IRF2: variants seen among roughly 807,000 people sequenced by gnomAD.
IRF2 encodes the protein interferon regulatory factor 2.
IRF2 carries 15 observed loss-of-function variants against 40.6 expected under a neutral mutation model. That is an observed-to-expected ratio of 0.37 (90% CI 0.25 to 0.57). The LOEUF is 0.57. Ranked by LOEUF, IRF2 falls within the 20% of genes least tolerant of loss-of-function variation. IRF2 has a pLI of 0.77. For synonymous variants in IRF2, 151 were observed against 165.5 expected, an observed-to-expected ratio of 0.91 and a Z score of 0.67; for missense variants, 317 against 455.7, an observed-to-expected ratio of 0.70 and a Z score of 2.77.
chr4:184,400,801 G>T (rs1310910967), intron 6 of IRF2, among the ~76,000 whole-genome samples: 1 of 152,100 alleles, frequency 6.6e-6, no homozygotes, highest in Non-Finnish European at 1.5e-5. Flanking sequence ...TAATTTGAAG[G>T]TCCCTAAGGT....
In IRF2 at chr4:184,390,619, G is replaced by A. The variant is rs537200067; in HGVS notation, c.741+84C>T. On this transcript the variant is annotated intron_variant, in intron 8 of 8. Coordinates refer to ENST00000393593, the MANE Select transcript of IRF2 (RefSeq NM_002199.4). ...GAAGCTTGTGATCTAAAGGAAAGGT[G>A]CATAACCAGCAGCAAGGAAAGCCCG... 120 of 1,277,430 alleles carry A rather than the reference G, an allele frequency of 9.4e-5. No homozygotes were observed. The African/African-American group carries it at 1.5e-3, about 16-fold the overall frequency. The allele number at this position is 1,277,430 out of a possible 1,614,324, so 79.1% of individuals were successfully genotyped here.
At chr4:184,435,976 TC>T (rs1258500537) in intron 1 of IRF2, among the ~76,000 whole-genome samples, 2 of 133,278 alleles carry the variant, frequency 1.5e-5, no homozygotes, top group Admixed American at 1.6e-4. Context: ...TTTTTCTTTT[TC>T]TTTTTTCTTT....
At chr4:184,459,776 G>C (rs1483745888) in intron 1 of IRF2, among the ~76,000 whole-genome samples, 1 of 152,184 alleles carries the variant, frequency 6.6e-6, no homozygotes, top group Non-Finnish European at 1.5e-5. Flanking sequence ...TTAATTACCA[G>C]GGAAATGCAA....
Position 184,413,312 on chromosome 4 carries a change from C to T in IRF2, c.411+4855G>A, listed in dbSNP as rs1737142920. Among the ~76,000 whole-genome samples the T allele has an allele frequency of 6.6e-6, 1 of 152,188 alleles. No homozygotes were observed. The highest frequency in any genetic ancestry group is 6.5e-5 in the Admixed American group (1 of 15,280). ...CGTAAAACTGTCCCTCAAGCTCTTCCAACTGGGTTCGGAGCTCCCGTTCTG... is the reference window on the plus strand; with the variant it reads ...CGTAAAACTGTCCCTCAAGCTCTTCTAACTGGGTTCGGAGCTCCCGTTCTG... On this transcript the variant is annotated intron_variant, in intron 5 of 8. Coordinates refer to ENST00000393593, the MANE Select transcript of IRF2 (RefSeq NM_002199.4). This position sits in a 1 kb window ranked among gnomAD's most constrained non-coding sequence, Gnocchi z 4.2.
At position 184,388,851 on chromosome 4, in the gene IRF2, T is replaced by G; in HGVS notation, c.957A>C (p.Pro319=). The G allele has an allele frequency of 1.9e-6, 3 of 1,614,030 alleles. No individual in the cohort carries two copies. Among genetic ancestry groups the G allele is most frequent in the South Asian group, 1.1e-5 (1 of 91,072 alleles). ...QDLPLSSSMT[P]ASSSSRPDRE... is the part of the protein sequence containing the mutation. ...GGTCTGGCCGACTGCTGCTGGATGC[T>G]GGGGTCATGGAGGAAGAAAGGGGGA... The change falls in exon 9 of 9, where the codon CCA becomes CCC. Residue 319 remains proline, a synonymous_variant. Coordinates refer to ENST00000393593, the MANE Select transcript of IRF2 (RefSeq NM_002199.4). The surrounding 1 kb of genome is among the most constrained non-coding windows in gnomAD (Gnocchi z 4.6).
At chr4:184,423,230 C>T (rs1321184328) in intron 2 of IRF2, among the ~76,000 whole-genome samples, 1 of 152,160 alleles carries the variant, frequency 6.6e-6, no homozygotes, top group Non-Finnish European at 1.5e-5. Flanking sequence ...CAGTCCTGCA[C>T]ACGTGGTGGT....
intron 1 of IRF2, among the ~76,000 whole-genome samples, chr4:184,440,244 A>G (rs1323976892): frequency 6.6e-6 from 1 of 151,994 alleles, no homozygotes; most frequent in Non-Finnish European, 1.5e-5. Context: ...GCCTCCTTCC[A>G]TGCTCCCGCG....
chr4:184,429,862 T>C (rs923103022), intron 1 of IRF2, among the ~76,000 whole-genome samples: 39 of 152,302 alleles, frequency 2.6e-4, no homozygotes, highest in African/African-American at 8.7e-4. Context: ...CTTTCTAAGA[T>C]AGACTTCTCC....
At chr4:184,442,886 G>T (rs1187881231) in intron 1 of IRF2, among the ~76,000 whole-genome samples, 2 of 149,630 alleles carry the variant, frequency 1.3e-5, no homozygotes, top group African/African-American at 4.9e-5. Context: ...AACTTTGTGG[G>T]GGTGGGGGTG....
At chr4:184,456,204 ACT>A (rs1252979588) in intron 1 of IRF2, among the ~76,000 whole-genome samples, 1 of 151,906 alleles carries the variant, frequency 6.6e-6, no homozygotes, top group Non-Finnish European at 1.5e-5. Flanking sequence ...CAAAAATGTG[ACT>A]CTGCACTTCA....
chr4:184,410,744 C>T (rs1228752829), intron 5 of IRF2, among the ~76,000 whole-genome samples: 1 of 152,180 alleles, frequency 6.6e-6, no homozygotes, highest in Non-Finnish European at 1.5e-5. Context: ...GGCAGTCAGG[C>T]TTGCATATAT....
chr4:184,440,170 C>A (rs1420793863), intron 1 of IRF2, among the ~76,000 whole-genome samples: 1 of 152,180 alleles, frequency 6.6e-6, no homozygotes, highest in Non-Finnish European at 1.5e-5. Flanking sequence ...GCCCTCCCAC[C>A]CATTGCCATG....
intron 1 of IRF2, among the ~76,000 whole-genome samples, chr4:184,443,029 G>C (rs563473429): frequency 2.0e-5 from 3 of 152,066 alleles, no homozygotes; most frequent in Non-Finnish European, 4.4e-5. Flanking sequence ...AGGTTCAAGC[G>C]ATTCTCCTGC....
intron 5 of IRF2, among the ~76,000 whole-genome samples, 197 bp downstream of exon 5, chr4:184,417,970 G>A (rs1054754467): frequency 3.9e-5 from 6 of 152,180 alleles, no homozygotes; most frequent in African/African-American, 7.2e-5. Context: ...CCAGAGAAAC[G>A]GGATGAGGCA....
rs374328136 is a variant in IRF2 at position 184,389,141 on chromosome 4, C to T, written c.742-75G>A. Reference sequence around the variant, plus strand: ...GGCTTTTTAAAAATGCATCACTGGCCAGGTGTGGTGGCTCATGCCTGTAAT... The same window carrying T: ...GGCTTTTTAAAAATGCATCACTGGCTAGGTGTGGTGGCTCATGCCTGTAAT... On this transcript the variant is annotated intron_variant, in intron 8 of 8. Transcript: ENST00000393593. 1.2e-3 allele frequency: 1,687 copies of T among 1,433,408 alleles called. 23 individuals are homozygous for T. The South Asian group carries it at 0.018, about 16-fold the overall frequency. The allele number at this position is 1,433,408 out of a possible 1,614,324, so 88.8% of individuals were successfully genotyped here. A position where few individuals can be genotyped will look rare whatever the true frequency, so the allele number is the denominator to read the frequency against.
chr4:184,473,251 G>A (rs901784869), intron 1 of IRF2, among the ~76,000 whole-genome samples: 3 of 150,688 alleles, frequency 2.0e-5, no homozygotes, highest in African/African-American at 7.3e-5. Context: ...TCCCCACCCC[G>A]CCGCGGCCCG....
chr4:184,453,518 G>A (rs1738804389), intron 1 of IRF2, among the ~76,000 whole-genome samples: 1 of 151,774 alleles, frequency 6.6e-6, no homozygotes, highest in Non-Finnish European at 1.5e-5. Context: ...TGCAGTACAG[G>A]AGAAGTAACA....
chr4:184,453,377 A>C (rs1738799084), intron 1 of IRF2, among the ~76,000 whole-genome samples: 1 of 152,234 alleles, frequency 6.6e-6, no homozygotes, highest in Non-Finnish European at 1.5e-5. Context: ...CAAAGCAAGA[A>C]TCATGCACAG....
intron 6 of IRF2, among the ~76,000 whole-genome samples, chr4:184,402,420 C>T (rs888567646): frequency 1.6e-4 from 24 of 152,290 alleles, no homozygotes; most frequent in African/African-American, 5.3e-4. Context: ...GCCGAAACTA[C>T]GATGGGCCGC....
Sources: allele counts gnomAD v4.1 joint callset (sites outside exome capture counted in the v4.1 genomes callset), GRCh38; gene constraint gnomAD v4.1.1; non-coding constraint Gnocchi (gnomAD v3.1); transcripts MANE v1.5; gene names NCBI Gene and HGNC (gene_info 2026-07-23, HGNC 2026-07-21).